Variants in HUS1 observed in about 807,000 individuals in gnomAD.
The protein encoded by HUS1 is checkpoint protein HUS1.
A neutral mutation model predicts 32.6 loss-of-function variants in HUS1; 31 were observed. The ratio of observed to expected loss-of-function variants is 0.95; its 90% confidence interval spans 0.72 to 1.28. The LOEUF is 1.28. Ranked by LOEUF, HUS1 falls within the 50% of genes most tolerant of loss-of-function variation. The probability of loss-of-function intolerance (pLI) is 0.00; values close to 1 mark genes in which losing one functional copy is unlikely to be tolerated. For synonymous variants in HUS1, 123 were observed against 116.6 expected (o/e 1.06, Z -0.36); for missense variants, 340 against 337.7 (o/e 1.01, Z -0.05).
rs371700222 is a variant in HUS1, at chr7:47,979,590, C to A, written c.-71G>T. The A allele has an allele frequency of 4.8e-5, 59 of 1,217,636 alleles. No homozygotes were observed. In the African/African-American group the frequency reaches 7.8e-4, roughly 16 times the overall value. 75.4% of individuals were successfully genotyped at this position (1,217,636 alleles called of 1,614,324 possible). On this transcript the variant is annotated 5_prime_UTR_variant, in exon 1 of 8. Transcript: ENST00000258774. Reference sequence around the variant, plus strand: ...AAGCGTCGCGCCCTGAGTGTCCCCGCCCGGAAACACGGCAGCGCGAACAGT... The same window carrying A: ...AAGCGTCGCGCCCTGAGTGTCCCCGACCGGAAACACGGCAGCGCGAACAGT...
chr7:47,970,338 C>T (rs184745907), intron 5 of HUS1, among the ~76,000 whole-genome samples: 3 of 150,112 alleles, frequency 2.0e-5, no homozygotes, highest in African/African-American at 4.9e-5. Flanking sequence ...CCAGAGAGCA[C>T]GCACATAAAA....
intron 3 of HUS1, 132 bp downstream of exon 3, chr7:47,978,285 T>TGG (rs1788749418): frequency 1.3e-6 from 1 of 757,388 alleles, no homozygotes; most frequent in South Asian, 2.0e-5. Context: ...AATATAGTTA[T>TGG]GGACCAGATC....
chr7:47,972,107 G>T (rs1171745490), intron 5 of HUS1, among the ~76,000 whole-genome samples: 1 of 152,044 alleles, frequency 6.6e-6, no homozygotes. Context: ...TGGAACAATA[G>T]TTGACTGAAA....
intron 5 of HUS1, among the ~76,000 whole-genome samples, chr7:47,970,008 C>T (rs1026022229): frequency 2.2e-4 from 33 of 151,646 alleles, no homozygotes; most frequent in African/African-American, 4.8e-4. Flanking sequence ...CCGAGGCGGG[C>T]GGATCACGAG....
chr7:47,975,042 G>A (rs1157058978), intron 5 of HUS1, among the ~76,000 whole-genome samples: 1 of 152,154 alleles, frequency 6.6e-6, no homozygotes, highest in East Asian at 1.9e-4. Flanking sequence ...AGCCGGGCGC[G>A]GTGGCTCACG....
In HUS1 at chr7:47,965,078, A is replaced by G. The variant is rs1398130500; in HGVS notation, c.*278T>C. 3.2e-6 allele frequency: 1 copy of G among 309,874 alleles called. No individual in the cohort carries two copies. The highest frequency in any genetic ancestry group is 6.2e-6 in the Non-Finnish European group (1 of 162,182). 19.2% of individuals were successfully genotyped at this position (309,874 alleles called of 1,614,324 possible). A position where few individuals can be genotyped will look rare whatever the true frequency, so the allele number is the denominator to read the frequency against. ...ATACATGACGATTTTCACAACATCAATGAGAAATTGTTCTTTAAAGTCTGA... is the reference window on the plus strand; with the variant it reads ...ATACATGACGATTTTCACAACATCAGTGAGAAATTGTTCTTTAAAGTCTGA... On this transcript the variant is annotated 3_prime_UTR_variant, in exon 8 of 8. Coordinates refer to ENST00000258774, the MANE Select transcript of HUS1 (RefSeq NM_004507.4).
chr7:47,965,348 A>T lies in HUS1; in HGVS notation c.*8T>A, dbSNP rs769814143. 6.2e-7 allele frequency: 1 copy of T among 1,603,836 alleles called. No individual in the cohort carries two copies. The highest frequency in any genetic ancestry group is 2.2e-5 in the East Asian group (1 of 44,832). On this transcript the variant is annotated 3_prime_UTR_variant, in exon 8 of 8. Transcript: ENST00000258774. The stretch of plus-strand genomic sequence containing the variant: ...AAGTCTCTGCATGCCAACTCCAGCG[A>T]CAGGGTGCTAGGACAGCGCAGGGAT...
Position 47,967,835 on chromosome 7 carries a change from T to A in HUS1, c.731A>T (p.Gln244Leu), listed in dbSNP as rs1788511183. 6.2e-7 allele frequency: 1 copy of A among 1,613,892 alleles called. No individual in the cohort carries two copies. The highest frequency in any genetic ancestry group is 2.2e-5 in the East Asian group (1 of 44,894). ...IRKLLQFLAGQQVNPTKALCN... is the reference protein window; with the variant it reads ...IRKLLQFLAGLQVNPTKALCN... ...TAAGGCCTTTGTGGGATTTACTTGT[T>A]GTCCAGCAAGAAACTGTAGGAGCTT... The change falls in exon 7 of 8, where the codon CAA becomes CTA. Residue 244 changes from glutamine to leucine, a missense_variant. Gln to Leu is a moderately radical substitution (Grantham distance 113). Transcript: ENST00000258774.
intron 5 of HUS1, among the ~76,000 whole-genome samples, chr7:47,969,521 C>G (rs772618412): frequency 7.9e-5 from 12 of 152,178 alleles, no homozygotes; most frequent in Non-Finnish European, 1.8e-4. Context: ...TCCCAAAAAT[C>G]TCAAAGGGGA....
chr7:47,967,075 G>A (rs1788494840), intron 7 of HUS1, among the ~76,000 whole-genome samples: 1 of 152,204 alleles, frequency 6.6e-6, no homozygotes, highest in African/African-American at 2.4e-5. Context: ...ATCTGAAGGG[G>A]ATGAGGTGCA....
chr7:47,972,014 G>A (rs1788610089), intron 5 of HUS1, among the ~76,000 whole-genome samples: 1 of 152,134 alleles, frequency 6.6e-6, no homozygotes, highest in Non-Finnish European at 1.5e-5. Context: ...TACTTTGAAT[G>A]AGAAATACTC....
intron 1 of HUS1, among the ~76,000 whole-genome samples, chr7:47,979,050 CCAGT>C (rs1788770556): frequency 6.6e-6 from 1 of 152,120 alleles, no homozygotes; most frequent in African/African-American, 2.4e-5. Context: ...CAGGCACCTA[CCAGT>C]CATTCATTCA....
At chr7:47,969,038 G>A in intron 6 of HUS1, 181 bp downstream of exon 6, 1 of 535,392 alleles carries the variant, frequency 1.9e-6, no homozygotes, top group Admixed American at 3.9e-5. Context: ...TCCCCCTGGT[G>A]GCTAACTGCC....
rs142997403 is a variant in HUS1 at position 47,965,104 on chromosome 7, A to G, written c.*252T>C. The G allele has an allele frequency of 1.7e-3, 611 of 352,286 alleles. 2 individuals are homozygous for G. Among genetic ancestry groups the G allele is most frequent in the African/African-American group, 0.011 (559 of 49,534 alleles). 21.8% of individuals were successfully genotyped at this position (352,286 alleles called of 1,614,324 possible). A position where few individuals can be genotyped will look rare whatever the true frequency, so the allele number is the denominator to read the frequency against. On this transcript the variant is annotated 3_prime_UTR_variant, in exon 8 of 8. Coordinates refer to ENST00000258774, the MANE Select transcript of HUS1 (RefSeq NM_004507.4). Reference sequence around the variant, plus strand: ...TGAGAAATTGTTCTTTAAAGTCTGAATAAATAAATTCTAGCTTTTCTTTTC... The same window carrying G: ...TGAGAAATTGTTCTTTAAAGTCTGAGTAAATAAATTCTAGCTTTTCTTTTC...
At chr7:47,977,620 C>T (rs1474609223) in intron 3 of HUS1, among the ~76,000 whole-genome samples, 4 of 152,102 alleles carry the variant, frequency 2.6e-5, no homozygotes, top group Admixed American at 2.0e-4. Flanking sequence ...GGCTGGGCGC[C>T]GTGGCTCATG....
rs775100810 is a variant in HUS1 at position 47,969,268 on chromosome 7, T to C, written c.591A>G (p.Glu197=). 6.3e-7 allele frequency: 1 copy of C among 1,593,604 alleles called. No individual in the cohort carries two copies. ...DGELNLKIET[E]LVCVTTHFKD... is the part of the protein sequence containing the mutation. ...TAAAATGAGTTGTAACACATACTAA[T>C]TCAGTTTCTATTTTCAAATTCAATT... Residue 197 remains glutamate (E), a synonymous_variant, in exon 6 of 8, where the codon GAA becomes GAG. Coordinates refer to ENST00000258774, the MANE Select transcript of HUS1 (RefSeq NM_004507.4).
intron 1 of HUS1, 124 bp downstream of exon 1, chr7:47,979,344 G>C: frequency 1.8e-5 from 4 of 220,558 alleles, no homozygotes; most frequent in African/African-American, 7.4e-5. Flanking sequence ...CCCCCATCCC[G>C]GCCCCATCCT....
Position 47,975,694 on chromosome 7 carries a change from A to C in HUS1, c.466-7T>G, listed in dbSNP as rs368509252. On this transcript the variant is annotated splice_region_variant and splice_polypyrimidine_tract_variant and intron_variant, in intron 4 of 7. Coordinates refer to ENST00000258774, the MANE Select transcript of HUS1 (RefSeq NM_004507.4). The stretch of plus-strand genomic sequence containing the variant: ...CTGGTAAATAAATACTAACCTACAA[A>C]ACCAATGAGAAAAAAGCACAAGTAT... The C allele has an allele frequency of 1.0e-5, 16 of 1,533,008 alleles. No homozygotes were observed. The African/African-American group carries it at 1.9e-4, about 19-fold the overall frequency. The allele number at this position is 1,533,008 out of a possible 1,614,324, so 95.0% of individuals were successfully genotyped here. A position where few individuals can be genotyped will look rare whatever the true frequency, so the allele number is the denominator to read the frequency against.
intron 5 of HUS1, 88 bp downstream of exon 5, chr7:47,975,525 C>A: frequency 3.6e-6 from 3 of 831,896 alleles, no homozygotes; most frequent in Non-Finnish European, 6.2e-6. Flanking sequence ...AGGTGCCCAC[C>A]TGCATGGACT....
Sources: gnomAD v4.1 joint callset for allele counts (sites outside exome capture counted in the v4.1 genomes callset) on GRCh38, gnomAD v4.1.1 for gene constraint, MANE v1.5 for transcripts, NCBI Gene and HGNC (gene_info 2026-07-23, HGNC 2026-07-21) for gene names.